FUT9: variants seen among roughly 807,000 people sequenced by gnomAD.
FUT9 encodes fucosyltransferase 9.
Under a neutral mutation model 29.7 loss-of-function variants are expected in FUT9, and 15 were observed. The observed-to-expected ratio is 0.51, with a 90% CI of 0.34 to 0.78. The LOEUF is 0.78. FUT9 is among the 30% of genes least tolerant of loss of function. The probability of loss-of-function intolerance (pLI) is 0.01; values close to 1 mark genes in which losing one functional copy is unlikely to be tolerated. For synonymous variants in FUT9, 169 were observed against 153.7 expected, an observed-to-expected ratio of 1.10 and a Z score of -0.74; for missense variants, 319 against 425.4, an observed-to-expected ratio of 0.75 and a Z score of 2.20.
At chr6:96,041,354 T>A (rs963841388) in intron 1 of FUT9, among the ~76,000 whole-genome samples, 21 of 152,170 alleles carry the variant, frequency 1.4e-4, no homozygotes, top group Admixed American at 5.9e-4. Context: ...GTAGAATACA[T>A]GATTTATAAC....
intron 1 of FUT9, among the ~76,000 whole-genome samples, chr6:96,049,610 T>G (rs1244805113): frequency 6.6e-6 from 1 of 152,172 alleles, no homozygotes; most frequent in Non-Finnish European, 1.5e-5. Flanking sequence ...AGCATGAGAA[T>G]AAATGAGAGA....
intron 2 of FUT9, among the ~76,000 whole-genome samples, chr6:96,120,135 AT>A (rs1267669781): frequency 4.6e-5 from 7 of 151,070 alleles, no homozygotes; most frequent in African/African-American, 1.5e-4. Context: ...TCATTATTTT[AT>A]TTTTTTCTGA....
chr6:96,049,223 G>A (rs1770622158), intron 1 of FUT9, among the ~76,000 whole-genome samples: 1 of 152,140 alleles, frequency 6.6e-6, no homozygotes, highest in African/African-American at 2.4e-5. Flanking sequence ...TTCCAAGGTT[G>A]TAGCCTTCTG....
In FUT9 at chr6:96,208,794, T is replaced by C. The variant is rs899565909; in HGVS notation, c.*4559T>C. ...ATTAGTATTTAAGGAGAGTATAAAG[T>C]GCGAGCACTGTGAAGGGCAGATATC... On this transcript the variant is annotated 3_prime_UTR_variant, in exon 3 of 3. Transcript: ENST00000302103. The C allele has an allele frequency of 6.0e-6, 1 of 166,794 alleles. No individual in the cohort carries two copies. The highest frequency in any genetic ancestry group is 1.9e-4 in the East Asian group (1 of 5,202). The allele number at this position is 166,794 out of a possible 1,614,324, so 10.3% of individuals were successfully genotyped here.
In FUT9 at chr6:96,203,835, A is replaced by G; in HGVS notation, c.680A>G (p.Asn227Ser). The change falls in exon 3 of 3, where the codon AAT becomes AGT. Residue 227 changes from asparagine (N) to serine (S), a missense_variant. Physicochemically the swap from Asn to Ser is conservative, Grantham distance 46. Transcript: ENST00000302103. ...TYGQAFGEYV[N>S]DKNLIPTIST... The stretch of plus-strand genomic sequence containing the variant: ...GGGCAAGCATTTGGAGAATATGTCA[A>G]TGATAAAAATTTGATTCCTACCATA... The G allele has an allele frequency of 6.2e-7, 1 of 1,611,786 alleles. No homozygotes were observed. The highest frequency in any genetic ancestry group is 8.5e-7 in the Non-Finnish European group (1 of 1,178,064).
At chr6:96,062,206 A>C (rs1770887686) in intron 1 of FUT9, among the ~76,000 whole-genome samples, 1 of 152,104 alleles carries the variant, frequency 6.6e-6, no homozygotes, top group South Asian at 2.1e-4. Flanking sequence ...AAAAAGAAAA[A>C]AATCTGAAAA....
chr6:96,067,023 T>C (rs1305764475), intron 1 of FUT9, among the ~76,000 whole-genome samples: 1 of 151,948 alleles, frequency 6.6e-6, no homozygotes, highest in African/African-American at 2.4e-5. Flanking sequence ...ACTTATTGAA[T>C]AGCTGCCATG....
At chr6:96,140,484 G>T (rs1167515315) in intron 2 of FUT9, among the ~76,000 whole-genome samples, 4 of 152,132 alleles carry the variant, frequency 2.6e-5, no homozygotes, top group Non-Finnish European at 5.9e-5. Context: ...CAGTAAACTG[G>T]TACCAATTTA....
intron 1 of FUT9, among the ~76,000 whole-genome samples, chr6:96,067,147 T>C (rs1770975751): frequency 2.0e-5 from 3 of 149,198 alleles, no homozygotes; most frequent in South Asian, 4.2e-4. Context: ...CATATATATA[T>C]ATTTATATAT....
intron 2 of FUT9, among the ~76,000 whole-genome samples, chr6:96,181,283 A>C (rs1450067839): frequency 2.6e-5 from 4 of 152,038 alleles, no homozygotes; most frequent in Non-Finnish European, 5.9e-5. Context: ...GCAAGAAGAG[A>C]TCTAAAACAT....
At chr6:96,054,545 A>G (rs1189117302) in intron 1 of FUT9, among the ~76,000 whole-genome samples, 1 of 152,228 alleles carries the variant, frequency 6.6e-6, no homozygotes, top group Non-Finnish European at 1.5e-5. Flanking sequence ...TCTAAATAAA[A>G]GGGAAACACA....
At chr6:96,098,595 C>T (rs974390215) in intron 1 of FUT9, among the ~76,000 whole-genome samples, 15 of 152,182 alleles carry the variant, frequency 9.9e-5, no homozygotes, top group Admixed American at 9.2e-4. Flanking sequence ...CATAGTTGTC[C>T]CAGTTAGAGT....
intron 1 of FUT9, among the ~76,000 whole-genome samples, chr6:96,100,826 G>C (rs140094791): frequency 6.6e-6 from 1 of 152,142 alleles, no homozygotes; most frequent in African/African-American, 2.4e-5. Context: ...ACAACACACC[G>C]TTGTAAAATC....
chr6:96,041,469 A>G (rs1770457495), intron 1 of FUT9, among the ~76,000 whole-genome samples: 1 of 152,122 alleles, frequency 6.6e-6, no homozygotes, highest in East Asian at 1.9e-4. Flanking sequence ...AAGGTAAATG[A>G]TTTTATCTAT....
At chr6:96,106,213 C>CCCTTCCTTCCTTCATTCCTTCCTTCCTT (rs1771681474) in intron 1 of FUT9, among the ~76,000 whole-genome samples, 1 of 137,142 alleles carries the variant, frequency 7.3e-6, no homozygotes, top group East Asian at 2.2e-4. Context: ...AATCCATCAA[C>CCCTTCCTTCCTTCATTCCTTCCTTCCTT]CCTTCCTTCC....
intron 2 of FUT9, among the ~76,000 whole-genome samples, chr6:96,115,856 A>G (rs529810333): frequency 1.3e-5 from 2 of 152,294 alleles, no homozygotes; most frequent in East Asian, 3.9e-4. Flanking sequence ...AGCTATATAC[A>G]TGTTGGAATT....
At chr6:96,135,397 C>A (rs1772328501) in intron 2 of FUT9, among the ~76,000 whole-genome samples, 1 of 151,826 alleles carries the variant, frequency 6.6e-6, no homozygotes, top group African/African-American at 2.4e-5. Context: ...TGAATGAGCA[C>A]TACTTATTGG....
At chr6:96,119,538 AATT>A (rs1210056065) in intron 2 of FUT9, among the ~76,000 whole-genome samples, 1 of 152,210 alleles carries the variant, frequency 6.6e-6, no homozygotes, top group Non-Finnish European at 1.5e-5. Flanking sequence ...ACTTCAAAAT[AATT>A]ATGTCTCACA....
intron 2 of FUT9, among the ~76,000 whole-genome samples, chr6:96,186,613 C>T (rs924490055): frequency 6.6e-6 from 1 of 152,058 alleles, no homozygotes; most frequent in Non-Finnish European, 1.5e-5. Context: ...AAGGTATTGG[C>T]TCACACGATT....
Sources: allele counts gnomAD v4.1 joint callset (sites outside exome capture counted in the v4.1 genomes callset), GRCh38; gene constraint gnomAD v4.1.1; transcripts MANE v1.5; gene names NCBI Gene and HGNC (gene_info 2026-07-23, HGNC 2026-07-21).